Variants in TEKT2 observed in about 807,000 individuals in gnomAD.
The protein encoded by TEKT2 is tektin 2, also known as tektin-2.
TEKT2 carries 45 observed loss-of-function variants against 49.8 expected under a neutral mutation model. That is an observed-to-expected ratio of 0.90 (90% confidence interval 0.71 to 1.16). The LOEUF is 1.16. Ranked by LOEUF, TEKT2 falls within the 50% of genes most tolerant of loss-of-function variation. The probability of loss-of-function intolerance (pLI) is 0.00; values close to 1 mark genes in which losing one functional copy is unlikely to be tolerated. For missense variants in TEKT2, 523 were observed against 551.4 expected, an observed-to-expected ratio of 0.95 and a Z score of 0.52; for synonymous variants, 202 against 224.6, an observed-to-expected ratio of 0.90 and a Z score of 0.90.
In TEKT2 at chr1:36,086,951, GGGAT is replaced by G. The variant is rs775362218; in HGVS notation, c.655_658del (p.Asp219ThrfsTer14). 1.2e-5 allele frequency: 20 copies of G among 1,613,912 alleles called. No homozygotes were observed. The African/African-American group carries it at 2.5e-4, about 20-fold the overall frequency. ...TGCAGCTCCACCACACTCCAGCAGT[GGGAT>G]GACTTCAGTCGGTTCAACAAGGACC... On this transcript the variant is annotated frameshift_variant, in exon 6 of 10. Coordinates refer to ENST00000207457, the MANE Select transcript of TEKT2 (RefSeq NM_014466.3). LOFTEE classifies it high-confidence loss of function.
chr1:36,084,865 T>G lies in TEKT2; in HGVS notation c.-52-5T>G. 1 of 1,611,594 alleles carries G rather than the reference T, an allele frequency of 6.2e-7. No individual in the cohort carries two copies. ...GTCTCCCGCAGCAGTGTTTTCCCTC[T>G]GCAGGTGGTGTCTGTGAACAGGCCT... On this transcript the variant is annotated splice_region_variant and splice_polypyrimidine_tract_variant and intron_variant, in intron 1 of 9. Coordinates refer to ENST00000207457, the MANE Select transcript of TEKT2 (RefSeq NM_014466.3). The surrounding 1 kb of genome is among the most constrained non-coding windows in gnomAD (Gnocchi z 4.1).
chr1:36,087,996 A>T lies in TEKT2; in HGVS notation c.1103A>T (p.Lys368Met), dbSNP rs1463806611. 4 of 1,611,494 alleles carry T rather than the reference A, an allele frequency of 2.5e-6. No homozygotes were observed. The highest frequency in any genetic ancestry group is 3.4e-6 in the Non-Finnish European group (4 of 1,179,408). Residue 368 changes from lysine (K) to methionine (M), a missense_variant, in exon 10 of 10, where the codon AAG (lysine) becomes ATG (methionine). Lys to Met is a moderately conservative substitution (Grantham distance 95). Transcript: ENST00000207457. This position sits in a 1 kb window ranked among gnomAD's most constrained non-coding sequence, Gnocchi z 4.9. ...AGGGACGCACTGGACGCCCTGTGCA[A>T]GCACCTGGCCCGGCTGCAGGCTGAC... ...QAQDALDALC[K>M]HLARLQADIA...
rs1643336530 is a variant in TEKT2 at position 36,084,559 on chromosome 1, T to C, written c.-52-311T>C. 2.4e-5 allele frequency: 9 copies of C among 382,036 alleles called. No individual in the cohort carries two copies. The South Asian group carries it at 2.4e-4, about 10-fold the overall frequency. The allele number at this position is 382,036 out of a possible 1,614,324, so 23.7% of individuals were successfully genotyped here. Reference sequence around the variant, plus strand: ...TGGAAAATGCATTAAGGGCAATTTTTTTCTGCCATCCGCCTACCCCCCAGG... The same window carrying C: ...TGGAAAATGCATTAAGGGCAATTTTCTTCTGCCATCCGCCTACCCCCCAGG... On this transcript the variant is annotated intron_variant, in intron 1 of 9. Coordinates refer to ENST00000207457, the MANE Select transcript of TEKT2 (RefSeq NM_014466.3). The surrounding 1 kb of genome is among the most constrained non-coding windows in gnomAD (Gnocchi z 4.1).
rs1643388789 is a variant in TEKT2 at position 36,087,012 on chromosome 1, G to A, written c.714G>A (p.Glu238=). The A allele has an allele frequency of 1.9e-6, 3 of 1,614,040 alleles. No individual in the cohort carries two copies. The highest frequency in any genetic ancestry group is 2.5e-6 in the Non-Finnish European group (3 of 1,180,030). ...AGGCTGAGATGAAGGCAGCCACAGA[G>A]CTGAGGGAGGCCACTGCTCTAACTA... ...RAEAEMKAAT[E]LREATALTIA... The change falls in exon 6 of 10, where the codon GAG becomes GAA. Residue 238 remains glutamate, a synonymous_variant. Transcript: ENST00000207457. This position sits in a 1 kb window ranked among gnomAD's most constrained non-coding sequence, Gnocchi z 4.9.
At position 36,088,102 on chromosome 1, in the gene TEKT2, G is replaced by T. The variant is rs764682428; in HGVS notation, c.1209G>T (p.Arg403Ser). The change falls in exon 10 of 10, where the codon AGG (arginine) becomes AGT (serine). Residue 403 changes from arginine to serine, a missense_variant. Transcript: ENST00000207457. ...GCAAGCTGACCGTGCCTGCTGAGAG[G>T]TTCGTGCCTGAGGTGGACACCTTCA... ...TRRKLTVPAE[R>S]FVPEVDTFTR... 1.9e-6 allele frequency: 3 copies of T among 1,613,072 alleles called. No homozygotes were observed. Among genetic ancestry groups the T allele is most frequent in the Non-Finnish European group, 2.5e-6 (3 of 1,179,920 alleles).
At chr1:36,085,376 G>A (rs1643353560) in intron 3 of TEKT2, 88 bp downstream of exon 3, 1 of 1,595,318 alleles carries the variant, frequency 6.3e-7, no homozygotes, top group Non-Finnish European at 8.5e-7. Flanking sequence ...TTGATGGGGG[G>A]TCATGAGTGG....
chr1:36,084,920 C>T lies in TEKT2; in HGVS notation c.-2C>T. 6.2e-7 allele frequency: 1 copy of T among 1,613,770 alleles called. No individual in the cohort carries two copies. Among genetic ancestry groups the T allele is most frequent in the Non-Finnish European group, 8.5e-7 (1 of 1,180,044 alleles). On this transcript the variant is annotated 5_prime_UTR_variant, in exon 2 of 10. Coordinates refer to ENST00000207457, the MANE Select transcript of TEKT2 (RefSeq NM_014466.3). This position sits in a 1 kb window ranked among gnomAD's most constrained non-coding sequence, Gnocchi z 4.1. ...GTTTCTGACCCTTCTGGTTTCTGTGCCATGGCCACGCTGAGCGTCAAGCCA... is the reference window on the plus strand; with the variant it reads ...GTTTCTGACCCTTCTGGTTTCTGTGTCATGGCCACGCTGAGCGTCAAGCCA...
Position 36,087,496 on chromosome 1 carries a change from C to A in TEKT2, c.913C>A (p.Arg305Ser). The change falls in exon 8 of 10, where the codon CGC becomes AGC. Residue 305 changes from arginine (R) to serine (S), a missense_variant. Physicochemically the swap from Arg to Ser is moderately radical, Grantham distance 110 (BLOSUM62 -1). Transcript: ENST00000207457. The surrounding 1 kb of genome is among the most constrained non-coding windows in gnomAD (Gnocchi z 4.9). ...CATCCGGCACCTGGAGGAGGATCTG[C>A]GCACAAAGCTCCTGAGCCTGAAGCT... is the stretch of plus-strand genomic sequence containing the variant. The part of the protein sequence containing the change: ...EDIRHLEEDL[R>S]TKLLSLKLSH... 6.2e-7 allele frequency: 1 copy of A among 1,613,810 alleles called. No homozygotes were observed. Among genetic ancestry groups the A allele is most frequent in the Non-Finnish European group, 8.5e-7 (1 of 1,180,016 alleles).
chr1:36,085,277 G>T lies in TEKT2; in HGVS notation c.271G>T (p.Ala91Ser), dbSNP rs1306877277. The change falls in exon 3 of 10, where the codon GCC (alanine) becomes TCC (serine). Residue 91 changes from alanine (A) to serine (S), a missense_variant. Ala to Ser is a moderately conservative substitution (Grantham distance 99). Transcript: ENST00000207457. ...GACAGATTTAGATGCCGAGATCGATGCCCTGACACAGGCAGGGATCCAGGA... is the reference window on the plus strand; with the variant it reads ...GACAGATTTAGATGCCGAGATCGATTCCCTGACACAGGCAGGGATCCAGGA... The part of the protein sequence containing the change: ...CLTDLDAEID[A>S]LTQMKESAEQ... The T allele has an allele frequency of 6.2e-7, 1 of 1,613,992 alleles. No homozygotes were observed. The highest frequency in any genetic ancestry group is 1.7e-5 in the Admixed American group (1 of 60,016).
In TEKT2 at chr1:36,086,980, C is replaced by T. The variant is rs80118300; in HGVS notation, c.682C>T (p.Arg228Ter). ...TGACTTCAGTCGGTTCAACAAGGAC[C>T]GAGCGGAGGCTGAGATGAAGGCAGC... Reference protein sequence around the residue: ...WDDFSRFNKDRAEAEMKAATE... With the variant: ...WDDFSRFNKD Residue 228 changes from arginine to a stop codon, truncating the protein, a stop_gained, in exon 6 of 10, where the codon CGA (arginine) becomes TGA (stop). Coordinates refer to ENST00000207457, the MANE Select transcript of TEKT2 (RefSeq NM_014466.3). LOFTEE classifies it high-confidence loss of function. The T allele has an allele frequency of 9.3e-6, 15 of 1,613,802 alleles. No homozygotes were observed. The East Asian group carries it at 1.6e-4, about 17-fold the overall frequency.
At chr1:36,086,561 C>A in intron 4 of TEKT2, 143 bp from the exon 5 acceptor site, 1 of 1,104,642 alleles carries the variant, frequency 9.1e-7, no homozygotes. Flanking sequence ...CTGTGCTGCT[C>A]TTGGTCTCAG....
rs764266107 is a variant in TEKT2, at chr1:36,085,937, G to A, written c.384G>A (p.Val128=). The part of the protein sequence containing the change: ...TLRESRRDID[V]VKDPVEDELH... Reference sequence around the variant, plus strand: ...GGGAAAGCCGGCGAGACATTGATGTGGTGAAGGACCCTGTGGAGGATGAGC... The same window carrying A: ...GGGAAAGCCGGCGAGACATTGATGTAGTGAAGGACCCTGTGGAGGATGAGC... Residue 128 remains valine, a synonymous_variant, in exon 4 of 10, where the codon GTG becomes GTA. Transcript: ENST00000207457. The A allele has an allele frequency of 2.5e-6, 4 of 1,613,848 alleles. No individual in the cohort carries two copies. The highest frequency in any genetic ancestry group is 8.5e-7 in the Non-Finnish European group (1 of 1,179,958).
intron 4 of TEKT2, among the ~76,000 whole-genome samples, chr1:36,086,293 C>T (rs1172685151): frequency 1.3e-5 from 2 of 152,114 alleles, no homozygotes; most frequent in African/African-American, 2.4e-5. Flanking sequence ...AGGTGACACC[C>T]ATTTGCCACC....
rs766785376 is a variant in TEKT2 at position 36,085,265 on chromosome 1, G to A, written c.259G>A (p.Ala87Thr). ...MLDKCLTDLD[A>T]EIDALTQMKE... is the part of the protein sequence containing the mutation. ...GGACAAGTGTCTGACAGATTTAGATGCCGAGATCGATGCCCTGACACAGGC... is the reference window on the plus strand; with the variant it reads ...GGACAAGTGTCTGACAGATTTAGATACCGAGATCGATGCCCTGACACAGGC... The change falls in exon 3 of 10, where the codon GCC (alanine) becomes ACC (threonine). Residue 87 changes from alanine to threonine, a missense_variant. Coordinates refer to ENST00000207457, the MANE Select transcript of TEKT2 (RefSeq NM_014466.3). 1 of 1,614,084 alleles carries A rather than the reference G, an allele frequency of 6.2e-7. No individual in the cohort carries two copies. The highest frequency in any genetic ancestry group is 1.1e-5 in the South Asian group (1 of 91,076).
In TEKT2 at chr1:36,088,038, A is replaced by T; in HGVS notation, c.1145A>T (p.Asn382Ile). ...CAGGCTGACATTGCCTGCAAGGCCA[A>T]CTCCATGCTGCTGGACACCAAGTGC... ...RLQADIACKA[N>I]SMLLDTKCMD... The change falls in exon 10 of 10, where the codon AAC (asparagine) becomes ATC (isoleucine). Residue 382 changes from asparagine to isoleucine, a missense_variant. Asn to Ile is a moderately radical substitution (Grantham distance 149, BLOSUM62 -3). Coordinates refer to ENST00000207457, the MANE Select transcript of TEKT2 (RefSeq NM_014466.3). 1 of 1,612,710 alleles carries T rather than the reference A, an allele frequency of 6.2e-7. No homozygotes were observed. Among genetic ancestry groups the T allele is most frequent in the Non-Finnish European group, 8.5e-7 (1 of 1,179,798 alleles).
In TEKT2 at chr1:36,088,004, G is replaced by A. The variant is rs1396274589; in HGVS notation, c.1111G>A (p.Ala371Thr). ...DALDALCKHL[A>T]RLQADIACKA... The stretch of plus-strand genomic sequence containing the variant: ...ACTGGACGCCCTGTGCAAGCACCTG[G>A]CCCGGCTGCAGGCTGACATTGCCTG... The change falls in exon 10 of 10, where the codon GCC becomes ACC. Residue 371 changes from alanine (A) to threonine (T), a missense_variant. Ala to Thr is a moderately conservative substitution (Grantham distance 58). Transcript: ENST00000207457. The A allele has an allele frequency of 6.2e-7, 1 of 1,611,746 alleles. No individual in the cohort carries two copies. The highest frequency in any genetic ancestry group is 8.5e-7 in the Non-Finnish European group (1 of 1,179,528).
chr1:36,086,087 C>T lies in TEKT2; in HGVS notation c.488+46C>T, dbSNP rs1472547905. Reference sequence around the variant, plus strand: ...CCGCATGTTCATGGGCCCCTGGAGGCTGTGTGCCTTCAATGTGGAACACAG... The same window carrying T: ...CCGCATGTTCATGGGCCCCTGGAGGTTGTGTGCCTTCAATGTGGAACACAG... On this transcript the variant is annotated intron_variant, in intron 4 of 9. Coordinates refer to ENST00000207457, the MANE Select transcript of TEKT2 (RefSeq NM_014466.3). The T allele has an allele frequency of 3.2e-6, 5 of 1,543,980 alleles. No individual in the cohort carries two copies. The Admixed American group carries it at 9.8e-5, about 30-fold the overall frequency.
chr1:36,086,738 G>A lies in TEKT2; in HGVS notation c.523G>A (p.Asp175Asn), dbSNP rs141019195. 4 of 1,613,876 alleles carry A rather than the reference G, an allele frequency of 2.5e-6. No homozygotes were observed. Among genetic ancestry groups the A allele is most frequent in the Admixed American group, 1.7e-5 (1 of 59,988 alleles). The change falls in exon 5 of 10, where the codon GAC becomes AAC. Residue 175 changes from aspartate (D) to asparagine (N), a missense_variant. Asp to Asn is a conservative substitution (Grantham distance 23). Coordinates refer to ENST00000207457, the MANE Select transcript of TEKT2 (RefSeq NM_014466.3). ...LQEVQQQLNS[D>N]HRGKMETLEI... Reference sequence around the variant, plus strand: ...GGAAGTCCAACAGCAGCTCAACTCCGACCATCGGGGCAAAATGGAGACACT... The same window carrying A: ...GGAAGTCCAACAGCAGCTCAACTCCAACCATCGGGGCAAAATGGAGACACT...
Position 36,086,849 on chromosome 1 carries a change from TAAG to T in TEKT2, c.632+7_632+9del. The stretch of plus-strand genomic sequence containing the variant: ...TGACCCCACACGTGTACCTGATGGG[TAAG>T]AAGAGTGTTTCAGCCAGTCTCTTCT... On this transcript the variant is annotated splice_donor_5th_base_variant and intron_variant, in intron 5 of 9. Coordinates refer to ENST00000207457, the MANE Select transcript of TEKT2 (RefSeq NM_014466.3). The T allele has an allele frequency of 6.2e-7, 1 of 1,614,070 alleles. No individual in the cohort carries two copies. The highest frequency in any genetic ancestry group is 1.1e-5 in the South Asian group (1 of 91,074).
Sources: allele counts gnomAD v4.1 joint callset (sites outside exome capture counted in the v4.1 genomes callset), GRCh38; gene constraint gnomAD v4.1.1; non-coding constraint Gnocchi (gnomAD v3.1); transcripts MANE v1.5; gene names NCBI Gene and HGNC (gene_info 2026-07-23, HGNC 2026-07-21).